FOXN3: variants seen among roughly 807,000 people sequenced by gnomAD.
FOXN3 encodes the protein forkhead box N3, also known as forkhead box protein N3.
Under a neutral mutation model 38.4 loss-of-function variants are expected in FOXN3, and 7 were observed. The ratio of observed to expected loss-of-function variants is 0.18; its 90% confidence interval spans 0.10 to 0.34. The LOEUF (loss-of-function observed/expected upper bound fraction) is 0.34. Ranked by LOEUF, FOXN3 falls within the 10% of genes least tolerant of loss-of-function variation. The pLI is 1.00. For missense variants in FOXN3, 456 were observed against 613.4 expected, an observed-to-expected ratio of 0.74 and a Z score of 2.71; for synonymous variants, 230 against 242.2, an observed-to-expected ratio of 0.95 and a Z score of 0.47.
chr14:89,570,719 A>T (rs1227772142), intron 1 of FOXN3, among the ~76,000 whole-genome samples: 1 of 150,986 alleles, frequency 6.6e-6, no homozygotes, highest in African/African-American at 2.4e-5. Flanking sequence ...AGCTATCATT[A>T]CTGTTAGTGT....
chr14:89,183,783 T>G (rs1392916728), intron 4 of FOXN3, among the ~76,000 whole-genome samples: 1 of 152,144 alleles, frequency 6.6e-6, no homozygotes, highest in Non-Finnish European at 1.5e-5. Context: ...GGAAAACCAT[T>G]AAAGGGTTTT....
In FOXN3 at chr14:89,390,485, C is replaced by T. The variant is rs116460948; in HGVS notation, c.543+21449G>A. Among the ~76,000 whole-genome samples the T allele has an allele frequency of 4.2e-3, 523 of 124,806 alleles. 3 individuals carry two copies. Among genetic ancestry groups the T allele is most frequent in the African/African-American group, 0.012 (411 of 34,692 alleles). 81.9% of individuals were successfully genotyped at this position (124,806 alleles called of 152,430 possible). On this transcript the variant is annotated intron_variant, in intron 2 of 5. Coordinates refer to ENST00000557258, the MANE Select transcript of FOXN3 (RefSeq NM_005197.4). Reference sequence around the variant, plus strand: ...ATGTTCAGGGATTTTCTCTAAGCTGCTTTTTAAAAAAAAAAAAAAAAAAAG... The same window carrying T: ...ATGTTCAGGGATTTTCTCTAAGCTGTTTTTTAAAAAAAAAAAAAAAAAAAG...
At chr14:89,577,177 G>C (rs981781900) in intron 1 of FOXN3, 1 of 152,434 alleles carries the variant, frequency 6.6e-6, no homozygotes, top group Non-Finnish European at 1.5e-5. Flanking sequence ...TGGGGTGCGA[G>C]TGAATGCCTG....
chr14:89,231,135 A>C (rs1884796167), intron 4 of FOXN3, among the ~76,000 whole-genome samples: 1 of 152,200 alleles, frequency 6.6e-6, no homozygotes, highest in African/African-American at 2.4e-5. Flanking sequence ...TTGTTGTTCT[A>C]CTGAACATAA....
At chr14:89,498,558 T>C (rs908785884) in intron 1 of FOXN3, among the ~76,000 whole-genome samples, 10 of 152,166 alleles carry the variant, frequency 6.6e-5, no homozygotes, top group Non-Finnish European at 1.5e-4. Flanking sequence ...TTATATGCAC[T>C]AGATAACTGA....
At chr14:89,425,588 C>T (rs1892010537) in intron 1 of FOXN3, among the ~76,000 whole-genome samples, 1 of 151,492 alleles carries the variant, frequency 6.6e-6, no homozygotes, top group South Asian at 2.1e-4. Flanking sequence ...TGGTCTCGAA[C>T]TCCTGACCTC....
At chr14:89,570,176 T>C (rs1048517118) in intron 1 of FOXN3, among the ~76,000 whole-genome samples, 1 of 152,094 alleles carries the variant, frequency 6.6e-6, no homozygotes, top group East Asian at 1.9e-4. Context: ...ATTTTTTGTA[T>C]TTTTAGTAGA....
At chr14:89,297,007 T>C (rs545792828) in intron 3 of FOXN3, among the ~76,000 whole-genome samples, 2 of 152,308 alleles carry the variant, frequency 1.3e-5, no homozygotes, top group South Asian at 4.2e-4. Flanking sequence ...GCTGTGCTAG[T>C]GTGGATCAAT....
chr14:89,410,453 G>A (rs997144631), intron 2 of FOXN3, among the ~76,000 whole-genome samples: 1 of 152,180 alleles, frequency 6.6e-6, no homozygotes, highest in African/African-American at 2.4e-5. Flanking sequence ...CTTAGTGGAA[G>A]GAACTTTCTC....
chr14:89,462,875 G>A lies in FOXN3; in HGVS notation c.-14-50385C>T, dbSNP rs543338225. Among the ~76,000 whole-genome samples, 50 of 150,900 alleles carry A rather than the reference G, an allele frequency of 3.3e-4. No individual in the cohort carries two copies. In the South Asian group the frequency reaches 6.7e-3, roughly 20 times the overall value. On this transcript the variant is annotated intron_variant, in intron 1 of 6. Transcript: ENST00000345097. ...AATTTTTTGCATTTTTAGTAGAGAC[G>A]GGGTTTCACCATGTTAGCCAGGATG... is the stretch of plus-strand genomic sequence containing the variant.
At chr14:89,240,420 A>G (rs987923459) in intron 4 of FOXN3, among the ~76,000 whole-genome samples, 4 of 152,254 alleles carry the variant, frequency 2.6e-5, no homozygotes, top group African/African-American at 9.6e-5. Flanking sequence ...GCAAAGATAC[A>G]TGCAGGAGTA....
At chr14:89,233,501 T>C (rs1884883114) in intron 4 of FOXN3, among the ~76,000 whole-genome samples, 1 of 152,252 alleles carries the variant, frequency 6.6e-6, no homozygotes, top group African/African-American at 2.4e-5. Flanking sequence ...ACTAAGTATC[T>C]ATGAATTTTT....
intron 1 of FOXN3, among the ~76,000 whole-genome samples, chr14:89,555,176 C>A (rs1895092090): frequency 6.6e-6 from 1 of 151,520 alleles, no homozygotes; most frequent in South Asian, 2.1e-4. Context: ...CTTAACATAC[C>A]TCAGAGATCA....
At chr14:89,543,771 C>T (rs1304131700) in intron 1 of FOXN3, among the ~76,000 whole-genome samples, 1 of 152,128 alleles carries the variant, frequency 6.6e-6, no homozygotes. Flanking sequence ...AGAAAATATC[C>T]CAACACCCAA....
intron 1 of FOXN3, among the ~76,000 whole-genome samples, chr14:89,454,017 AAG>A (rs1892671852): frequency 2.0e-5 from 3 of 152,142 alleles, no homozygotes; most frequent in Non-Finnish European, 4.4e-5. Flanking sequence ...GAAGAAGAAG[AAG>A]AAGGACTGGT....
At chr14:89,227,927 T>G (rs959698603) in intron 4 of FOXN3, among the ~76,000 whole-genome samples, 15 of 152,026 alleles carry the variant, frequency 9.9e-5, no homozygotes, top group Non-Finnish European at 1.8e-4. Context: ...AACCCAAGCT[T>G]TTGTAGAGAT....
chr14:89,506,993 G>A (rs539724766), intron 1 of FOXN3, among the ~76,000 whole-genome samples: 23 of 152,232 alleles, frequency 1.5e-4, no homozygotes, highest in African/African-American at 5.3e-4. Context: ...CACTGCGCAA[G>A]GCCGCAGGGT....
chr14:89,162,987 T>C lies in FOXN3; in HGVS notation c.852-18A>G. Reference sequence around the variant, plus strand: ...TGCCATTCCTGCAGAGCGAGGACAGTGGGGAGGGACGGGAGACAAAGAAGG... The same window carrying C: ...TGCCATTCCTGCAGAGCGAGGACAGCGGGGAGGGACGGGAGACAAAGAAGG... On this transcript the variant is annotated intron_variant, in intron 5 of 5. Transcript: ENST00000557258. The surrounding 1 kb of genome is among the most constrained non-coding windows in gnomAD (Gnocchi z 7.2). The C allele has an allele frequency of 6.5e-7, 1 of 1,530,102 alleles. No homozygotes were observed. The highest frequency in any genetic ancestry group is 8.8e-7 in the Non-Finnish European group (1 of 1,137,620). 94.8% of individuals were successfully genotyped at this position (1,530,102 alleles called of 1,614,324 possible).
intron 4 of FOXN3, among the ~76,000 whole-genome samples, chr14:89,229,557 T>C (rs938085165): frequency 4.6e-5 from 7 of 151,936 alleles, no homozygotes; most frequent in African/African-American, 1.7e-4. Flanking sequence ...GTTAGATGAG[T>C]TGTGAGAATC....
Sources: gnomAD v4.1 joint callset for allele counts (sites outside exome capture counted in the v4.1 genomes callset) on GRCh38, gnomAD v4.1.1 for gene constraint, Gnocchi (gnomAD v3.1) non-coding constraint, MANE v1.5 for transcripts, NCBI Gene and HGNC (gene_info 2026-07-23, HGNC 2026-07-21) for gene names.